Variants in SHROOM3 observed in about 807,000 individuals in gnomAD.
The protein encoded by SHROOM3 is shroom family member 3.
In SHROOM3, 47 loss-of-function variants were observed where a neutral mutation model predicts 138.6. The observed-to-expected ratio is 0.34, with a 90% confidence interval of 0.27 to 0.43. The LOEUF is 0.43. Among genes scored for constraint, SHROOM3 ranks in the 20% least tolerant of loss-of-function variants. SHROOM3 has a pLI of 1.00. For synonymous variants in SHROOM3, 1,062 were observed against 1,063.3 expected, an observed-to-expected ratio of 1.00 and a Z score of 0.02; for missense variants, 2,491 against 2,596.5, an observed-to-expected ratio of 0.96 and a Z score of 0.88.
At chr4:76,745,166 C>A (rs1455080621) in intron 5 of SHROOM3, among the ~76,000 whole-genome samples, 1 of 152,210 alleles carries the variant, frequency 6.6e-6, no homozygotes, top group Non-Finnish European at 1.5e-5. Flanking sequence ...TTGCCTGTTT[C>A]CACTTTCTTT....
chr4:76,721,086 C>T (rs973926513), intron 3 of SHROOM3, among the ~76,000 whole-genome samples: 11 of 151,712 alleles, frequency 7.3e-5, no homozygotes, highest in Admixed American at 2.0e-4. Flanking sequence ...CCGAGGCGGG[C>T]GGATCAAGAG....
At chr4:76,688,906 C>A in intron 2 of SHROOM3, 1 of 984,472 alleles carries the variant, frequency 1.0e-6, no homozygotes, top group Non-Finnish European at 1.2e-6. Flanking sequence ...CTGTGACTTA[C>A]ACTGAGAAGA....
intron 9 of SHROOM3, among the ~76,000 whole-genome samples, chr4:76,764,592 T>C (rs1051002503): frequency 2.0e-5 from 3 of 152,244 alleles, no homozygotes; most frequent in Admixed American, 1.3e-4. Flanking sequence ...TTTATTCCAC[T>C]GTCACCCTTG....
rs145354397 is a variant in SHROOM3 at position 76,501,526 on chromosome 4, C to T, written c.169-54083C>T. 3.8e-3 allele frequency among the ~76,000 whole-genome samples: 572 copies of T among 151,992 alleles called. 2 individuals are homozygous for T. The highest frequency in any genetic ancestry group is 0.013 in the African/African-American group (542 of 41,468). The stretch of plus-strand genomic sequence containing the variant: ...TTAAAGTCCTTAGGAATTTCCTGGG[C>T]GGCAGGAGCATCATTTAATAAGGTA... On this transcript the variant is annotated intron_variant, in intron 1 of 10. Transcript: ENST00000296043.
At chr4:76,509,202 A>T (rs1482425055) in intron 1 of SHROOM3, 2 of 152,226 alleles carry the variant, frequency 1.3e-5, no homozygotes, top group East Asian at 1.9e-4. Flanking sequence ...TATAAATGGA[A>T]TTTTTTTAAA....
At chr4:76,733,410 G>C (rs1720939603) in intron 4 of SHROOM3, among the ~76,000 whole-genome samples, 1 of 152,176 alleles carries the variant, frequency 6.6e-6, no homozygotes, top group African/African-American at 2.4e-5. Context: ...CTGACATAAG[G>C]ACCATCAGCA....
At chr4:76,486,899 A>G (rs948954388) in intron 1 of SHROOM3, among the ~76,000 whole-genome samples, 1 of 139,908 alleles carries the variant, frequency 7.1e-6, no homozygotes, top group African/African-American at 2.5e-5. Flanking sequence ...CTAAAATAAG[A>G]GAAAGGCAAC....
At chr4:76,608,653 TAGCATAGCATAGCAC>T (rs796346523) in intron 2 of SHROOM3, among the ~76,000 whole-genome samples, 11,489 of 44,120 alleles carry the variant, frequency 0.26, 1,012 homozygotes, top group East Asian at 0.48. Context: ...TAGCATAGCA[TAGCATAGCATAGCAC>T]AGCATAGCAC....
chr4:76,495,466 T>G (rs982788738), intron 1 of SHROOM3, among the ~76,000 whole-genome samples: 17 of 152,250 alleles, frequency 1.1e-4, no homozygotes, highest in African/African-American at 3.9e-4. Context: ...GCTCCAGAGA[T>G]CTGATGCAAT....
In SHROOM3 at chr4:76,659,176, G is replaced by T. The variant is rs886687146; in HGVS notation, c.324-50980G>T. ...GGAACCCTCATTGTGAATACTCAAG[G>T]CCCATCCTTCAGCCACCTCTCCTCT... On this transcript the variant is annotated intron_variant, in intron 2 of 10. Coordinates refer to ENST00000296043, the MANE Select transcript of SHROOM3 (RefSeq NM_020859.4). Among the ~76,000 whole-genome samples the T allele has an allele frequency of 3.9e-5, 6 of 152,026 alleles. No homozygotes were observed. In the South Asian group the frequency reaches 1.2e-3, roughly 32 times the overall value.
intron 2 of SHROOM3, among the ~76,000 whole-genome samples, chr4:76,706,065 C>T (rs1720036660): frequency 6.6e-6 from 1 of 152,196 alleles, no homozygotes; most frequent in African/African-American, 2.4e-5. Context: ...GCATTACGTA[C>T]TGTATTCTTT....
chr4:76,739,917 A>G lies in SHROOM3; in HGVS notation c.1744A>G (p.Ser582Gly). The G allele has an allele frequency of 1.2e-6, 2 of 1,614,242 alleles. No homozygotes were observed. The highest frequency in any genetic ancestry group is 8.5e-7 in the Non-Finnish European group (1 of 1,180,048). The change falls in exon 5 of 11, where the codon AGC becomes GGC. Residue 582 changes from serine (S) to glycine (G), a missense_variant. This residue lies in a region of SHROOM3 where 1,733 missense variants were observed against 1,661.6 expected (regional missense o/e 1.04). Transcript: ENST00000296043. ...KRHLTPPQGN[S>G]PHSNERKSTH... is the part of the protein sequence containing the mutation. Reference sequence around the variant, plus strand: ...ACATCTCACACCTCCCCAAGGCAACAGCCCACATTCCAATGAGAGAAAGAG... The same window carrying G: ...ACATCTCACACCTCCCCAAGGCAACGGCCCACATTCCAATGAGAGAAAGAG...
intron 3 of SHROOM3, among the ~76,000 whole-genome samples, chr4:76,710,733 A>G (rs1466802746): frequency 3.3e-5 from 5 of 152,220 alleles, no homozygotes; most frequent in South Asian, 4.1e-4. Flanking sequence ...CAAGATTCCA[A>G]CGTAAGCCTA....
intron 4 of SHROOM3, among the ~76,000 whole-genome samples, chr4:76,731,717 G>T (rs1720888810): frequency 6.6e-6 from 1 of 151,464 alleles, no homozygotes; most frequent in Admixed American, 6.6e-5. Flanking sequence ...GGAGGTGGAG[G>T]TTGCAGTGAG....
chr4:76,635,958 G>GT (rs1735484121), intron 2 of SHROOM3, among the ~76,000 whole-genome samples: 1 of 152,222 alleles, frequency 6.6e-6, no homozygotes, highest in African/African-American at 2.4e-5. Flanking sequence ...GGTGCCTCAT[G>GT]TAAAAGTTAG....
Position 76,664,519 on chromosome 4 carries a change from G to A in SHROOM3, c.324-45637G>A, listed in dbSNP as rs545217551. ...TGCCTGTGCTACAATTAAAATAGTC[G>A]TGATGATGATGATGCCTGCCATTCA... On this transcript the variant is annotated intron_variant, in intron 2 of 10. Transcript: ENST00000296043. This position sits in a 1 kb window ranked among gnomAD's most constrained non-coding sequence, Gnocchi z 4.2. Among the ~76,000 whole-genome samples the A allele has an allele frequency of 3.3e-5, 5 of 152,108 alleles. No homozygotes were observed. The highest frequency in any genetic ancestry group is 7.2e-5 in the African/African-American group (3 of 41,416).
At chr4:76,552,298 G>T (rs1321701771) in intron 1 of SHROOM3, among the ~76,000 whole-genome samples, 5 of 150,980 alleles carry the variant, frequency 3.3e-5, no homozygotes, top group Non-Finnish European at 7.4e-5. Flanking sequence ...CTTGAGCCCA[G>T]GAGTTCAAGA....
rs192553198 is a variant in SHROOM3, at chr4:76,619,946, G to A, written c.323+64183G>A. Among the ~76,000 whole-genome samples, 5 of 151,838 alleles carry A rather than the reference G, an allele frequency of 3.3e-5. No individual in the cohort carries two copies. In the East Asian group the frequency reaches 7.8e-4, roughly 24 times the overall value. On this transcript the variant is annotated intron_variant, in intron 2 of 10. Coordinates refer to ENST00000296043, the MANE Select transcript of SHROOM3 (RefSeq NM_020859.4). ...GAGTGGTGGCACATGCCTGTAATCC[G>A]ACCTACTCGGGAGGCTGAGGCAGGA...
chr4:76,766,497 A>C (rs2109787956), intron 9 of SHROOM3, among the ~76,000 whole-genome samples: 3 of 152,334 alleles, frequency 2.0e-5, no homozygotes, highest in South Asian at 4.1e-4. Flanking sequence ...ATAGCATCTC[A>C]CACAGGGTGA....
Sources: gnomAD v4.1 joint callset for allele counts (sites outside exome capture counted in the v4.1 genomes callset) on GRCh38, gnomAD v4.1.1 for gene constraint, gnomAD v4.1.1 regional missense constraint, Gnocchi (gnomAD v3.1) non-coding constraint, MANE v1.5 for transcripts, NCBI Gene and HGNC (gene_info 2026-07-23, HGNC 2026-07-21) for gene names.